The following IL17RD variants were observed in gnomAD, a reference collection of about 807,000 sequenced individuals.
IL17RD encodes the protein interleukin 17 receptor D, also known as interleukin-17 receptor D.
A neutral mutation model predicts 80.5 loss-of-function variants in IL17RD; 52 were observed. The observed-to-expected ratio is 0.65, with a 90% CI of 0.52 to 0.81. IL17RD has a LOEUF of 0.81. Ranked by LOEUF, IL17RD falls within the 40% of genes least tolerant of loss-of-function variation. The pLI is 0.00. For missense variants in IL17RD, 1,024 were observed against 955.1 expected (o/e 1.07, Z -0.95); for synonymous variants, 416 against 391.8 (o/e 1.06, Z -0.73).
intron 5 of IL17RD, among the ~76,000 whole-genome samples, chr3:57,107,807 C>T (rs148235040): frequency 1.3e-5 from 2 of 152,170 alleles, no homozygotes; most frequent in East Asian, 1.9e-4. Flanking sequence ...GTGTGGGATT[C>T]GGCATCTAGT....
chr3:57,099,529 A>C (rs1706780039), intron 11 of IL17RD, among the ~76,000 whole-genome samples: 1 of 152,338 alleles, frequency 6.6e-6, no homozygotes, highest in Non-Finnish European at 1.5e-5. Flanking sequence ...GGGCATTCTG[A>C]AACGACTTTG....
At chr3:57,132,825 T>G (rs187686340) in intron 1 of IL17RD, among the ~76,000 whole-genome samples, 1 of 152,336 alleles carries the variant, frequency 6.6e-6, no homozygotes, top group African/African-American at 2.4e-5. Flanking sequence ...TCTTTTTTTT[T>G]CATCACTGAG....
At chr3:57,106,612 T>A (rs1446566610) in intron 5 of IL17RD, among the ~76,000 whole-genome samples, 4 of 152,234 alleles carry the variant, frequency 2.6e-5, no homozygotes, top group Non-Finnish European at 2.9e-5. Flanking sequence ...TTCACTAGTA[T>A]TCTAATTTAA....
chr3:57,151,425 T>C (rs1342974035), intron 1 of IL17RD, among the ~76,000 whole-genome samples: 1 of 152,204 alleles, frequency 6.6e-6, no homozygotes, highest in Non-Finnish European at 1.5e-5. Flanking sequence ...AAAATAGTAG[T>C]TGCATTCAGG....
chr3:57,156,957 A>T (rs2060271196), intron 1 of IL17RD, among the ~76,000 whole-genome samples: 1 of 152,060 alleles, frequency 6.6e-6, no homozygotes, highest in African/African-American at 2.4e-5. Flanking sequence ...TCCTATAAAA[A>T]CATCAAATTT....
rs1225549032 is a variant in IL17RD at position 57,095,387 on chromosome 3, A to G, written c.*1006T>C. The stretch of plus-strand genomic sequence containing the variant: ...ACCTCCATTCTACCATCTTAAAAAG[A>G]GGTTTGTCATTAGTCAAAACCAGTT... On this transcript the variant is annotated 3_prime_UTR_variant, in exon 13 of 13. Transcript: ENST00000296318. The G allele has an allele frequency of 6.6e-6, 1 of 152,242 alleles. No individual in the cohort carries two copies. The highest frequency in any genetic ancestry group is 1.5e-5 in the Non-Finnish European group (1 of 68,038). 9.4% of individuals were successfully genotyped at this position (152,242 alleles called of 1,614,324 possible).
Position 57,108,276 on chromosome 3 carries a change from G to A in IL17RD, c.550+1261C>T, listed in dbSNP as rs142333641. On this transcript the variant is annotated intron_variant, in intron 5 of 12. Transcript: ENST00000296318. ...GGACCATGTTGACCAGGTTGGTCTC[G>A]AACTCCTGACTTCGTGATCTGCCTG... 3.8e-3 allele frequency among the ~76,000 whole-genome samples: 571 copies of A among 151,732 alleles called. 2 individuals are homozygous for A. Among genetic ancestry groups the A allele is most frequent in the Middle Eastern group, 0.021 (6 of 292 alleles).
chr3:57,151,179 A>G (rs1236162911), intron 1 of IL17RD, among the ~76,000 whole-genome samples: 1 of 152,164 alleles, frequency 6.6e-6, no homozygotes, highest in African/African-American at 2.4e-5. Context: ...TGAAATGAAA[A>G]TATTTCCTGT....
At chr3:57,143,167 C>T (rs6801574) in intron 1 of IL17RD, among the ~76,000 whole-genome samples, 42,827 of 152,094 alleles carry the variant, frequency 0.28, 7,234 homozygotes, top group East Asian at 0.55. Context: ...CAGAGGAAAA[C>T]GGTATGTCAA....
chr3:57,130,971 C>T (rs1490829426), intron 1 of IL17RD, among the ~76,000 whole-genome samples: 2 of 152,230 alleles, frequency 1.3e-5, no homozygotes, highest in African/African-American at 4.8e-5. Flanking sequence ...AGACCCTTCC[C>T]AGGCCAGGCG....
At chr3:57,158,917 T>TG (rs1477275859) in intron 1 of IL17RD, among the ~76,000 whole-genome samples, 2 of 152,198 alleles carry the variant, frequency 1.3e-5, no homozygotes, top group Non-Finnish European at 2.9e-5. Context: ...CTTTCTTACT[T>TG]GGACTTTTCA....
At chr3:57,136,535 T>A (rs911301412) in intron 1 of IL17RD, among the ~76,000 whole-genome samples, 2 of 149,924 alleles carry the variant, frequency 1.3e-5, no homozygotes, top group South Asian at 2.1e-4. Flanking sequence ...CTGAGGAGGA[T>A]CTCTTGAGCC....
chr3:57,163,800 G>GGA (rs2060324561), intron 1 of IL17RD, among the ~76,000 whole-genome samples: 1 of 99,416 alleles, frequency 1.0e-5, no homozygotes, highest in African/African-American at 4.1e-5. Context: ...GGGCGGGGGG[G>GGA]GAAGGGGGTG....
At chr3:57,107,506 G>A (rs76046794) in intron 5 of IL17RD, among the ~76,000 whole-genome samples, 1 of 152,210 alleles carries the variant, frequency 6.6e-6, no homozygotes, top group Non-Finnish European at 1.5e-5. Context: ...CATCACAATG[G>A]ATGAGGGCTG....
upstream of IL17RD, chr3:57,165,406 G>A (rs989994126): frequency 2.7e-5 from 22 of 827,516 alleles, no homozygotes; most frequent in Non-Finnish European, 3.2e-5. Flanking sequence ...CACTGGGCAT[G>A]CGTTGCCAGC....
At chr3:57,161,468 G>A (rs1021916832) in intron 1 of IL17RD, among the ~76,000 whole-genome samples, 1 of 152,240 alleles carries the variant, frequency 6.6e-6, no homozygotes, top group Non-Finnish European at 1.5e-5. Flanking sequence ...CCTTAAATGG[G>A]AAACTTGCAT....
chr3:57,150,548 TG>T (rs1708038804), intron 1 of IL17RD: 1 of 152,234 alleles, frequency 6.6e-6, no homozygotes, highest in Admixed American at 6.5e-5. Flanking sequence ...CGAGGCTTGC[TG>T]GGAAGTGATG....
intron 1 of IL17RD, among the ~76,000 whole-genome samples, chr3:57,157,774 A>G (rs1330431636): frequency 2.0e-5 from 3 of 152,214 alleles, no homozygotes; most frequent in African/African-American, 7.2e-5. Flanking sequence ...TTTCTAAACC[A>G]TATGGCCTAT....
Position 57,127,408 on chromosome 3 carries a change from A to T in IL17RD, c.127-7095T>A, listed in dbSNP as rs1328718636. Among the ~76,000 whole-genome samples the T allele has an allele frequency of 4.9e-4, 43 of 87,214 alleles. 1 individual carries two copies. Among genetic ancestry groups the T allele is most frequent in the Middle Eastern group, 5.3e-3 (1 of 190 alleles). 57.2% of individuals were successfully genotyped at this position (87,214 alleles called of 152,430 possible). A position where few individuals can be genotyped will look rare whatever the true frequency, so the allele number is the denominator to read the frequency against. On this transcript the variant is annotated intron_variant, in intron 1 of 12. Transcript: ENST00000296318. The stretch of plus-strand genomic sequence containing the variant: ...AATAAATAAATAAATATATATATAT[A>T]TATATTTTTTTTTTGAGATAAGAGT...
Sources: allele counts gnomAD v4.1 joint callset (sites outside exome capture counted in the v4.1 genomes callset), GRCh38; gene constraint gnomAD v4.1.1; transcripts MANE v1.5; gene names NCBI Gene and HGNC (gene_info 2026-07-23, HGNC 2026-07-21).